Variants in KCNMB2 observed in about 807,000 individuals in gnomAD.
KCNMB2 encodes potassium calcium-activated channel subfamily M regulatory beta subunit 2.
A neutral mutation model predicts 24.5 loss-of-function variants in KCNMB2; 9 were observed. The observed-to-expected ratio is 0.37, with a 90% CI of 0.22 to 0.64. The LOEUF is 0.64. KCNMB2 is among the 30% of genes least tolerant of loss of function. The pLI is 0.63. For synonymous variants in KCNMB2, 109 were observed against 104.4 expected, an observed-to-expected ratio of 1.04 and a Z score of -0.27; for missense variants, 226 against 284.3, an observed-to-expected ratio of 0.79 and a Z score of 1.47.
chr3:178,814,631 T>A (rs570044386), intron 2 of KCNMB2, among the ~76,000 whole-genome samples: 2 of 152,340 alleles, frequency 1.3e-5, no homozygotes, highest in South Asian at 4.1e-4. Context: ...CCTCTCAGCC[T>A]CACCAAGATT....
chr3:178,615,021 T>C (rs550717415), intron 1 of KCNMB2, among the ~76,000 whole-genome samples: 6 of 152,354 alleles, frequency 3.9e-5, no homozygotes, highest in African/African-American at 1.4e-4. Flanking sequence ...TGCAGACTCA[T>C]AGAAGTGCTG....
chr3:178,814,528 C>T (rs187148039), intron 2 of KCNMB2, among the ~76,000 whole-genome samples: 10 of 152,214 alleles, frequency 6.6e-5, no homozygotes, highest in Admixed American at 6.5e-4. Context: ...AATGGTAGTT[C>T]CATTTTCAGT....
At chr3:178,617,656 A>G in intron 1 of KCNMB2, among the ~76,000 whole-genome samples, 1 of 151,700 alleles carries the variant, frequency 6.6e-6, no homozygotes, top group Middle Eastern at 3.4e-3. Context: ...TTGGGAGGCC[A>G]AGGCAGGCGG....
At chr3:178,778,460 A>ATACGCGCG (rs1553777053) in intron 1 of KCNMB2, among the ~76,000 whole-genome samples, 2 of 48,010 alleles carry the variant, frequency 4.2e-5, no homozygotes, top group Non-Finnish European at 4.0e-5. Context: ...TTTAAGACAC[A>ATACGCGCG]CACACACACA....
intron 1 of KCNMB2, among the ~76,000 whole-genome samples, chr3:178,702,580 A>G (rs761011491): frequency 6.6e-6 from 1 of 152,180 alleles, no homozygotes; most frequent in Non-Finnish European, 1.5e-5. Flanking sequence ...TTTTACTGTG[A>G]CTGCCTATCA....
intron 1 of KCNMB2, among the ~76,000 whole-genome samples, chr3:178,730,450 A>G (rs1380498996): frequency 7.7e-6 from 1 of 129,854 alleles, no homozygotes; most frequent in African/African-American, 3.0e-5. Context: ...CCCTCATCCA[A>G]TCCTCAGCTA....
At chr3:178,726,170 T>G (rs577490780) in intron 1 of KCNMB2, among the ~76,000 whole-genome samples, 7 of 152,044 alleles carry the variant, frequency 4.6e-5, no homozygotes, top group African/African-American at 1.4e-4. Context: ...AATATTTTAC[T>G]AGTTCAAGTA....
At chr3:178,617,717 G>A (rs1718759846) in intron 1 of KCNMB2, among the ~76,000 whole-genome samples, 1 of 150,792 alleles carries the variant, frequency 6.6e-6, no homozygotes. Context: ...ATGAAACCCC[G>A]TCTCTACTAA....
chr3:178,827,602 G>T (rs1298153244), intron 3 of KCNMB2, among the ~76,000 whole-genome samples: 1 of 152,200 alleles, frequency 6.6e-6, no homozygotes, highest in Non-Finnish European at 1.5e-5. Flanking sequence ...ATGACATAAT[G>T]AAAGGGTTGA....
chr3:178,553,224 G>A (rs550294390), intron 1 of KCNMB2, among the ~76,000 whole-genome samples: 19 of 152,254 alleles, frequency 1.2e-4, no homozygotes, highest in Middle Eastern at 3.4e-3. Context: ...TGTGAGGAAG[G>A]AAACAGATTT....
At chr3:178,719,974 T>C (rs1217979485) in intron 1 of KCNMB2, among the ~76,000 whole-genome samples, 1 of 152,118 alleles carries the variant, frequency 6.6e-6, no homozygotes, top group African/African-American at 2.4e-5. Context: ...TAATCTTTTT[T>C]TTCAGTGTTT....
rs771482934 is a variant in KCNMB2 at position 178,842,794 on chromosome 3, A to G, written c.565A>G (p.Lys189Glu). ...EGNQKSVILTKLYSSNVLFHS... is the reference protein window; with the variant it reads ...EGNQKSVILTELYSSNVLFHS... ...AAACCAGAAGAGTGTTATCCTAACA[A>G]AACTCTACAGTTCCAACGTGCTGTT... is the stretch of plus-strand genomic sequence containing the variant. Residue 189 changes from lysine to glutamate, a missense_variant, in exon 5 of 5, where the codon AAA becomes GAA. Lys to Glu is a moderately conservative substitution (Grantham distance 56). Coordinates refer to ENST00000452583, the MANE Select transcript of KCNMB2 (RefSeq NM_181361.3). 1.9e-6 allele frequency: 3 copies of G among 1,614,008 alleles called. No homozygotes were observed. Among genetic ancestry groups the G allele is most frequent in the Non-Finnish European group, 1.7e-6 (2 of 1,179,882 alleles).
chr3:178,754,177 T>TATATATATATATATATACAC (rs1435109631), intron 1 of KCNMB2, among the ~76,000 whole-genome samples: 260 of 117,046 alleles, frequency 2.2e-3, no homozygotes, highest in African/African-American at 9.2e-3. Flanking sequence ...TATATATATA[T>TATATATATATATATATACAC]ACACACACAC....
intron 1 of KCNMB2, among the ~76,000 whole-genome samples, chr3:178,800,251 T>G (rs936932694): frequency 7.9e-5 from 12 of 151,984 alleles, no homozygotes; most frequent in Non-Finnish European, 1.5e-4. Context: ...ACCCACAAAA[T>G]GGGAGAAAAT....
intron 1 of KCNMB2, among the ~76,000 whole-genome samples, chr3:178,709,675 G>T (rs1722388280): frequency 6.6e-6 from 1 of 152,142 alleles, no homozygotes; most frequent in Non-Finnish European, 1.5e-5. Flanking sequence ...GACTTCAAAT[G>T]AACTCACAAA....
At chr3:178,579,370 G>A (rs1349871892) in intron 1 of KCNMB2, among the ~76,000 whole-genome samples, 4 of 152,152 alleles carry the variant, frequency 2.6e-5, no homozygotes, top group African/African-American at 9.7e-5. Context: ...AGCTAAAGCA[G>A]TGTTTAGAGG....
chr3:178,609,340 A>AT (rs1237472275), intron 1 of KCNMB2, among the ~76,000 whole-genome samples: 2 of 150,478 alleles, frequency 1.3e-5, no homozygotes, highest in African/African-American at 4.9e-5. Context: ...AGTTTATTAG[A>AT]TTTTTTCCTA....
intron 1 of KCNMB2, among the ~76,000 whole-genome samples, chr3:178,618,414 T>C (rs1718793222): frequency 6.6e-6 from 1 of 152,216 alleles, no homozygotes; most frequent in African/African-American, 2.4e-5. Flanking sequence ...TGCTGAATCA[T>C]CCTGCCCTAA....
At chr3:178,730,381 T>C (rs949879845) in intron 1 of KCNMB2, among the ~76,000 whole-genome samples, 1 of 67,958 alleles carries the variant, frequency 1.5e-5, no homozygotes, top group Non-Finnish European at 2.5e-5. Flanking sequence ...CTTTCCTTTA[T>C]CTTTGTCACT....
Sources: gnomAD v4.1 joint callset for allele counts (sites outside exome capture counted in the v4.1 genomes callset) on GRCh38, gnomAD v4.1.1 for gene constraint, MANE v1.5 for transcripts, NCBI Gene and HGNC (gene_info 2026-07-23, HGNC 2026-07-21) for gene names.